The following DUSP16 variants were observed in gnomAD, a reference collection of about 807,000 sequenced individuals.
DUSP16 encodes the protein dual specificity phosphatase 16.
Under a neutral mutation model 58.3 loss-of-function variants are expected in DUSP16, and 21 were observed. The observed-to-expected ratio is 0.36, with a 90% CI of 0.26 to 0.52. The LOEUF (loss-of-function observed/expected upper bound fraction) is 0.52. Ranked by LOEUF, DUSP16 falls within the 20% of genes least tolerant of loss-of-function variation. The pLI is 0.94. For missense variants in DUSP16, 726 were observed against 819.0 expected (o/e 0.89, Z 1.39); for synonymous variants, 320 against 323.8 (o/e 0.99, Z 0.12).
intron 1 of DUSP16, among the ~76,000 whole-genome samples, chr12:12,553,408 C>A (rs1420062125): frequency 6.6e-6 from 1 of 152,168 alleles, no homozygotes; most frequent in South Asian, 2.1e-4. Flanking sequence ...GCCTTAGTTT[C>A]CTCATCTGTA....
chr12:12,557,237 C>T (rs528963100), intron 1 of DUSP16, among the ~76,000 whole-genome samples: 12 of 152,072 alleles, frequency 7.9e-5, no homozygotes, highest in South Asian at 6.2e-4. Context: ...GGGTGGAACA[C>T]GAGGTCAGGA....
chr12:12,493,881 A>G (rs1179727131), intron 4 of DUSP16, among the ~76,000 whole-genome samples: 5 of 152,138 alleles, frequency 3.3e-5, no homozygotes, highest in Non-Finnish European at 4.4e-5. Context: ...ATACTATGTA[A>G]TTTACCTATT....
chr12:12,510,852 GAC>G (rs1566008902), intron 3 of DUSP16, among the ~76,000 whole-genome samples: 1 of 152,124 alleles, frequency 6.6e-6, no homozygotes, highest in Non-Finnish European at 1.5e-5. Flanking sequence ...CAGGGCAGAG[GAC>G]AGAGCCTCTG....
At chr12:12,501,149 A>T (rs1294444368) in intron 3 of DUSP16, among the ~76,000 whole-genome samples, 1 of 152,228 alleles carries the variant, frequency 6.6e-6, no homozygotes, top group Non-Finnish European at 1.5e-5. Context: ...AACTAACTTT[A>T]AATCTTCTTA....
In DUSP16 at chr12:12,500,569, G is replaced by C. The variant is rs765179082; in HGVS notation, c.481C>G (p.Arg161Gly). The change falls in exon 4 of 7, where the codon CGA becomes GGA. Residue 161 changes from arginine (R) to glycine (G), a missense_variant. Transcript: ENST00000298573. ...CCAAGATAAAGATTGGGAAGAATTC[G>C]GGTTGGCCCAATGTTGGCAACAGGT... ...CLPVANIGPT[R>G]ILPNLYLGCQ... 1 of 1,611,796 alleles carries C rather than the reference G, an allele frequency of 6.2e-7. No individual in the cohort carries two copies. The highest frequency in any genetic ancestry group is 1.1e-5 in the South Asian group (1 of 90,598).
At chr12:12,540,056 T>C (rs770201329) in intron 1 of DUSP16, among the ~76,000 whole-genome samples, 8 of 138,132 alleles carry the variant, frequency 5.8e-5, no homozygotes, top group Non-Finnish European at 9.4e-5. Flanking sequence ...CTCTGTCTCA[T>C]AAAAAGAAAA....
At chr12:12,536,424 A>AGT in intron 1 of DUSP16, among the ~76,000 whole-genome samples, 1 of 152,244 alleles carries the variant, frequency 6.6e-6, no homozygotes, top group Admixed American at 6.5e-5. Context: ...GTCATTGTTT[A>AGT]TAAACCAGAA....
Position 12,528,806 on chromosome 12 carries a change from T to C in DUSP16, c.-365-7343A>G, listed in dbSNP as rs138167290. On this transcript the variant is annotated intron_variant, in intron 1 of 6. Coordinates refer to ENST00000298573, the MANE Select transcript of DUSP16 (RefSeq NM_030640.3). ...AACAAAAACAAAACATTTCCTATGA[T>C]AGACGCCGATAAGAACTAGGGAGAA... Among the ~76,000 whole-genome samples, 298 of 152,124 alleles carry C rather than the reference T, an allele frequency of 2.0e-3. 2 individuals are homozygous for C. Among genetic ancestry groups the C allele is most frequent in the Non-Finnish European group, 3.4e-3 (233 of 67,998 alleles).
At chr12:12,542,788 G>A (rs943776317) in intron 1 of DUSP16, among the ~76,000 whole-genome samples, 1 of 152,164 alleles carries the variant, frequency 6.6e-6, no homozygotes, top group Non-Finnish European at 1.5e-5. Flanking sequence ...ATTGGACCCT[G>A]TATGCAAGAC....
At chr12:12,517,411 A>G (rs899104286) in intron 3 of DUSP16, among the ~76,000 whole-genome samples, 6 of 152,132 alleles carry the variant, frequency 3.9e-5, no homozygotes, top group African/African-American at 1.4e-4. Flanking sequence ...CTTTTCAGTT[A>G]TTTCTCCCCA....
intron 1 of DUSP16, among the ~76,000 whole-genome samples, chr12:12,551,354 A>G (rs80265600): frequency 0.024 from 3,680 of 151,988 alleles, 93 homozygotes; most frequent in East Asian, 0.14. Flanking sequence ...AATACAAAAA[A>G]AATCAGCCAG....
intron 3 of DUSP16, among the ~76,000 whole-genome samples, chr12:12,513,526 T>TG: frequency 6.6e-6 from 1 of 152,302 alleles, no homozygotes; most frequent in South Asian, 2.1e-4. Context: ...AGCAAGAGCT[T>TG]GGGAGAGTCA....
At chr12:12,560,114 A>G (rs1257625865) in intron 1 of DUSP16, among the ~76,000 whole-genome samples, 2 of 152,186 alleles carry the variant, frequency 1.3e-5, no homozygotes, top group African/African-American at 2.4e-5. Flanking sequence ...GCAAAACTGG[A>G]TAATTCTGCA....
chr12:12,524,880 G>C (rs577682550), intron 1 of DUSP16, among the ~76,000 whole-genome samples: 1 of 152,014 alleles, frequency 6.6e-6, no homozygotes, highest in Non-Finnish European at 1.5e-5. Context: ...ATCAATAAAG[G>C]TGTTTAAAAT....
intron 4 of DUSP16, among the ~76,000 whole-genome samples, chr12:12,499,377 G>A (rs576896660): frequency 2.1e-4 from 32 of 152,218 alleles, no homozygotes; most frequent in African/African-American, 7.7e-4. Flanking sequence ...AGAAAGGCTC[G>A]GTACAAGCAT....
chr12:12,533,902 G>C (rs1944428350), intron 1 of DUSP16, among the ~76,000 whole-genome samples: 1 of 152,216 alleles, frequency 6.6e-6, no homozygotes, highest in Non-Finnish European at 1.5e-5. Flanking sequence ...AGAACAAAAA[G>C]ATATTGCTGT....
rs755756417 is a variant in DUSP16 at position 12,476,802 on chromosome 12, T to A, written c.*31A>T. 60 of 1,517,182 alleles carry A rather than the reference T, an allele frequency of 4.0e-5. No homozygotes were observed. The highest frequency in any genetic ancestry group is 5.2e-5 in the Non-Finnish European group (59 of 1,139,268). The allele number at this position is 1,517,182 out of a possible 1,614,324, so 94.0% of individuals were successfully genotyped here. ...TTTTTTTGTGAACAAGAAAAAAAAA[T>A]TGTCTATAGAAGTCACAAGTGTCTT... On this transcript the variant is annotated 3_prime_UTR_variant, in exon 7 of 7. Coordinates refer to ENST00000298573, the MANE Select transcript of DUSP16 (RefSeq NM_030640.3).
rs993469293 is a variant in DUSP16 at position 12,487,199 on chromosome 12, A to C, written c.532-12T>G. 1 of 1,612,450 alleles carries C rather than the reference A, an allele frequency of 6.2e-7. No individual in the cohort carries two copies. The highest frequency in any genetic ancestry group is 8.5e-7 in the Non-Finnish European group (1 of 1,178,612). On this transcript the variant is annotated splice_polypyrimidine_tract_variant and intron_variant, in intron 4 of 6. Transcript: ENST00000298573. ...TGCTGCATCAGCTCCTATGGAGAGA[A>C]AGAGTAGCAGTTAAAGTGACTAATA...
chr12:12,500,624 T>A lies in DUSP16; in HGVS notation c.426A>T (p.Leu142=), dbSNP rs753335907. Residue 142 remains leucine (L), a synonymous_variant, in exon 4 of 7, where the codon CTA becomes CTT. Coordinates refer to ENST00000298573, the MANE Select transcript of DUSP16 (RefSeq NM_030640.3). ...FPGLCEGKST[L]VPTCISQPCL... ...AAGGCTGAGAAATGCAGGTAGGGAC[T>A]AGAGTGGATTTTCCTTCACAGAGGC... 13 of 1,610,210 alleles carry A rather than the reference T, an allele frequency of 8.1e-6. No individual in the cohort carries two copies. Among genetic ancestry groups the A allele is most frequent in the Non-Finnish European group, 1.0e-5 (12 of 1,178,392 alleles).
Sources: gnomAD v4.1 joint callset for allele counts (sites outside exome capture counted in the v4.1 genomes callset) on GRCh38, gnomAD v4.1.1 for gene constraint, MANE v1.5 for transcripts, NCBI Gene and HGNC (gene_info 2026-07-23, HGNC 2026-07-21) for gene names.